TREH: variants seen among roughly 807,000 people sequenced by gnomAD.
The protein encoded by TREH is trehalase.
A neutral mutation model predicts 80.5 loss-of-function variants in TREH; 69 were observed. The ratio of observed to expected loss-of-function variants is 0.86; its 90% CI spans 0.71 to 1.05. The LOEUF (loss-of-function observed/expected upper bound fraction) is 1.05, where lower values mean the gene tolerates loss of function less well. Among genes scored for constraint, TREH ranks in the 50% least tolerant of loss-of-function variants. TREH has a pLI of 0.00. For synonymous variants in TREH, 309 were observed against 293.5 expected (o/e 1.05, Z -0.54); for missense variants, 716 against 718.8 (o/e 1.00, Z 0.04).
chr11:118,663,940 G>A (rs80297004), intron 1 of TREH, among the ~76,000 whole-genome samples: 10 of 152,118 alleles, frequency 6.6e-5, no homozygotes, highest in Non-Finnish European at 1.2e-4. Context: ...CCTCCATGAC[G>A]GCAGGACACA....
chr11:118,669,190 C>T (rs1949408571), intron 1 of TREH, among the ~76,000 whole-genome samples: 1 of 152,140 alleles, frequency 6.6e-6, no homozygotes, highest in African/African-American at 2.4e-5. Flanking sequence ...AAAGCCAGGT[C>T]ATAACAAATG....
chr11:118,663,865 C>T (rs1340577370), intron 1 of TREH, among the ~76,000 whole-genome samples: 4 of 151,998 alleles, frequency 2.6e-5, no homozygotes, highest in Non-Finnish European at 4.4e-5. Context: ...CATTTCCAGG[C>T]GGTGTATGGT....
chr11:118,659,796 C>T lies in TREH; in HGVS notation c.1271G>A (p.Gly424Glu), dbSNP rs1949293836. 1 of 1,584,410 alleles carries T rather than the reference C, an allele frequency of 6.3e-7. No homozygotes were observed. The highest frequency in any genetic ancestry group is 8.6e-7 in the Non-Finnish European group (1 of 1,164,816). Residue 424 changes from glycine to glutamate, a missense_variant, in exon 11 of 15, where the codon GGG becomes GAG. Coordinates refer to ENST00000264029, the MANE Select transcript of TREH (RefSeq NM_007180.3). ...YPSNLTPLWAGCFSDPGVADK... is the reference protein window; with the variant it reads ...YPSNLTPLWAECFSDPGVADK... ...CGCCACGCCAGGGTCAGAGAAACAC[C>T]CGGCCCAGAGTGGAGTGAGGTTGGA...
Position 118,663,440 on chromosome 11 carries a change from C to T in TREH, c.90-1G>A. The T allele has an allele frequency of 6.4e-7, 1 of 1,572,870 alleles. No homozygotes were observed. Among genetic ancestry groups the T allele is most frequent in the East Asian group, 2.3e-5 (1 of 43,038 alleles). ...GAGCTCCCCGTGGCAGTAAATCTCA[C>T]TGCAGAGACAGGGATAGGAGCAGGT... On this transcript the variant is annotated splice_acceptor_variant, in intron 1 of 14. Transcript: ENST00000264029. LOFTEE classifies it high-confidence loss of function.
intron 9 of TREH, 36 bp downstream of exon 9, chr11:118,660,830 C>A: frequency 6.4e-7 from 1 of 1,556,682 alleles, no homozygotes. Context: ...TGCAGCTGCC[C>A]TGCCCCCAGC....
Position 118,657,967 on chromosome 11 carries a change from G to T in TREH, c.*322C>A. 1 of 296,596 alleles carries T rather than the reference G, an allele frequency of 3.4e-6. No individual in the cohort carries two copies. The highest frequency in any genetic ancestry group is 6.4e-6 in the Non-Finnish European group (1 of 156,854). The allele number at this position is 296,596 out of a possible 1,614,324, so 18.4% of individuals were successfully genotyped here. ...TGAGCCCTTGGTTGCCTGGGCCCAG[G>T]CTGGGGGTTTTCAGTATTTGTAAGC... On this transcript the variant is annotated 3_prime_UTR_variant, in exon 15 of 15. Transcript: ENST00000264029.
rs529986172 is a variant in TREH, at chr11:118,660,534, C to T, written c.1102+5G>A. 5.0e-6 allele frequency: 8 copies of T among 1,592,194 alleles called. No individual in the cohort carries two copies. The highest frequency in any genetic ancestry group is 1.7e-4 in the Middle Eastern group (1 of 6,018). On this transcript the variant is annotated splice_donor_5th_base_variant and intron_variant, in intron 10 of 14. Coordinates refer to ENST00000264029, the MANE Select transcript of TREH (RefSeq NM_007180.3). ...CTGCTTTCCCTTCCCTACTGGGGTG[C>T]TCACCCAGCCTGGAATAGAAGTTGC...
chr11:118,662,902 G>A lies in TREH; in HGVS notation c.402C>T (p.Leu134=), dbSNP rs782507008. 4.4e-6 allele frequency: 7 copies of A among 1,599,168 alleles called. No homozygotes were observed. The highest frequency in any genetic ancestry group is 1.7e-5 in the Admixed American group (1 of 57,254). Residue 134 remains leucine (L), a synonymous_variant, in exon 4 of 15, where the codon CTC becomes CTT. Transcript: ENST00000264029. ...ATACCTTCTTCCCCAGCTTCTTCCAGAGCTGATGCAGCTGCCCTGCCCAGG... is the reference window on the plus strand; with the variant it reads ...ATACCTTCTTCCCCAGCTTCTTCCAAAGCTGATGCAGCTGCCCTGCCCAGG... ...LRAWAGQLHQ[L]WKKLGKKMKP...
chr11:118,668,818 T>C (rs1304037418), intron 1 of TREH, among the ~76,000 whole-genome samples: 2 of 151,924 alleles, frequency 1.3e-5, no homozygotes, highest in East Asian at 3.9e-4. Context: ...TGCATGCCTG[T>C]AGTCCCAGCT....
At position 118,661,741 on chromosome 11, in the gene TREH, G is replaced by A. The variant is rs1949325036; in HGVS notation, c.525-12C>T. On this transcript the variant is annotated splice_polypyrimidine_tract_variant and intron_variant, in intron 5 of 14. Transcript: ENST00000264029. This position sits in a 1 kb window ranked among gnomAD's most constrained non-coding sequence, Gnocchi z 4.2. ...CCCAGTAGGAGTCCCTGGGGAAGGGGCAGCTTAGGCACCACCCTGCTGCCT... is the reference window on the plus strand; with the variant it reads ...CCCAGTAGGAGTCCCTGGGGAAGGGACAGCTTAGGCACCACCCTGCTGCCT... 1 of 1,613,554 alleles carries A rather than the reference G, an allele frequency of 6.2e-7. No homozygotes were observed. Among genetic ancestry groups the A allele is most frequent in the African/African-American group, 1.3e-5 (1 of 75,042 alleles).
rs371512027 is a variant in TREH, at chr11:118,660,540, C to T, written c.1101G>A (p.Leu367=). The T allele has an allele frequency of 1.8e-4, 295 of 1,597,582 alleles. 1 individual carries two copies. The highest frequency in any genetic ancestry group is 2.0e-4 in the Non-Finnish European group (237 of 1,169,726). ...EELMSNFYSR[L]GNDSQATKYR... is the part of the protein sequence containing the mutation. ...TCCCTTCCCTACTGGGGTGCTCACC[C>T]AGCCTGGAATAGAAGTTGCTCATCA... Residue 367 remains leucine (L), a splice_region_variant and synonymous_variant, in exon 10 of 15, where the codon CTG becomes CTA. Coordinates refer to ENST00000264029, the MANE Select transcript of TREH (RefSeq NM_007180.3).
intron 4 of TREH, 124 bp downstream of exon 4, chr11:118,662,757 G>T (rs140208855): frequency 1.8e-6 from 2 of 1,106,590 alleles, no homozygotes; most frequent in Non-Finnish European, 2.6e-6. Context: ...GGGACCCAGG[G>T]GCCAGGGACT....
chr11:118,660,693 A>G lies in TREH; in HGVS notation c.948T>C (p.Ala316=). The G allele has an allele frequency of 6.2e-7, 1 of 1,600,582 alleles. No individual in the cohort carries two copies. Among genetic ancestry groups the G allele is most frequent in the East Asian group, 2.3e-5 (1 of 44,244 alleles). Residue 316 remains alanine, a synonymous_variant, in exon 10 of 15, where the codon GCT becomes GCC. Transcript: ENST00000264029. ...EALWAELKAG[A]ESGWDFSSRW... ...GTGAAGAGAAGTCCCAGCCAGACTC[A>G]GCCCCAGCCTTGAGCTCAGCCCACA... is the stretch of plus-strand genomic sequence containing the variant.
Position 118,660,930 on chromosome 11 carries a change from A to G in TREH, c.858-15T>C, listed in dbSNP as rs1555144851. 5.1e-6 allele frequency: 8 copies of G among 1,567,220 alleles called. No homozygotes were observed. The South Asian group carries it at 9.4e-5, about 18-fold the overall frequency. On this transcript the variant is annotated splice_polypyrimidine_tract_variant and intron_variant, in intron 8 of 14. Transcript: ENST00000264029. The stretch of plus-strand genomic sequence containing the variant: ...AGGACTCAGGCCTGGCAAAGAGGAG[A>G]GGTGGGCAGCCTGGCACTAGTAGCT...
intron 1 of TREH, among the ~76,000 whole-genome samples, chr11:118,673,783 C>T (rs1333930373): frequency 6.6e-6 from 1 of 152,198 alleles, no homozygotes; most frequent in African/African-American, 2.4e-5. Flanking sequence ...TTAGTAAAAA[C>T]CTAAACAGTA....
chr11:118,675,119 G>C (rs1949465563), intron 1 of TREH, among the ~76,000 whole-genome samples: 1 of 152,124 alleles, frequency 6.6e-6, no homozygotes, highest in Non-Finnish European at 1.5e-5. Context: ...TTTACCTCCA[G>C]TAACTGATTG....
chr11:118,667,439 G>A (rs1301100010), intron 1 of TREH, among the ~76,000 whole-genome samples: 2 of 152,112 alleles, frequency 1.3e-5, no homozygotes, highest in Non-Finnish European at 2.9e-5. Context: ...GGCTTCAAGT[G>A]ATCCTCCCGG....
chr11:118,667,007 C>T (rs1555145737), intron 1 of TREH, among the ~76,000 whole-genome samples: 2 of 151,914 alleles, frequency 1.3e-5, no homozygotes, highest in Middle Eastern at 3.4e-3. Flanking sequence ...CTCAGCCTCC[C>T]GAGTAGCTGG....
In TREH at chr11:118,659,911, C is replaced by T. The variant is rs1555144525; in HGVS notation, c.1156G>A (p.Ala386Thr). The change falls in exon 11 of 15, where the codon GCC becomes ACC. Residue 386 changes from alanine (A) to threonine (T), a missense_variant. Ala to Thr is a moderately conservative substitution (Grantham distance 58, BLOSUM62 0). Coordinates refer to ENST00000264029, the MANE Select transcript of TREH (RefSeq NM_007180.3). ...YRILRSQRLA[A>T]LNTVLWDEQT... ...TCATCCCACAGGACTGTGTTCAGGG[C>T]GGCCAAGCGCTGCGACCGCAGGATT... 71 of 1,551,622 alleles carry T rather than the reference C, an allele frequency of 4.6e-5. No homozygotes were observed. The highest frequency in any genetic ancestry group is 5.7e-5 in the Non-Finnish European group (65 of 1,147,020).
Sources: allele counts gnomAD v4.1 joint callset (sites outside exome capture counted in the v4.1 genomes callset), GRCh38; gene constraint gnomAD v4.1.1; non-coding constraint Gnocchi (gnomAD v3.1); transcripts MANE v1.5; gene names NCBI Gene and HGNC (gene_info 2026-07-23, HGNC 2026-07-21).